CAMTA1: variants seen among roughly 807,000 people sequenced by gnomAD.
The protein encoded by CAMTA1 is calmodulin binding transcription activator 1.
A neutral mutation model predicts 170.9 loss-of-function variants in CAMTA1; 27 were observed. The observed-to-expected ratio is 0.16, with a 90% CI of 0.12 to 0.22. The LOEUF (loss-of-function observed/expected upper bound fraction) is 0.22. Ranked by LOEUF, CAMTA1 falls within the 10% of genes least tolerant of loss-of-function variation. CAMTA1 has a pLI of 1.00. For synonymous variants in CAMTA1, 833 were observed against 891.5 expected (o/e 0.93, Z 1.17); for missense variants, 1,619 against 2,217.2 (o/e 0.73, Z 5.42).
intron 4 of CAMTA1, among the ~76,000 whole-genome samples, chr1:7,206,728 T>C (rs1299844702): frequency 6.6e-6 from 1 of 152,262 alleles, no homozygotes; most frequent in Non-Finnish European, 1.5e-5. Flanking sequence ...TTCTCACTCC[T>C]TTCTGTAATG....
At position 6,934,876 on chromosome 1, in the gene CAMTA1, T is replaced by A. The variant is rs930522502; in HGVS notation, c.234+109666T>A. 4.6e-5 allele frequency among the ~76,000 whole-genome samples: 7 copies of A among 152,116 alleles called. No homozygotes were observed. Among genetic ancestry groups the A allele is most frequent in the African/African-American group, 1.7e-4 (7 of 41,398 alleles). ...CCCTGGGGAGAAGGAGCTGTTAAAC[T>A]GTCAAAATAAAAAGTCCACCAAACT... On this transcript the variant is annotated intron_variant, in intron 3 of 22. Transcript: ENST00000303635. The surrounding 1 kb of genome is among the most constrained non-coding windows in gnomAD (Gnocchi z 4.5).
chr1:7,214,855 C>CTTTTTT (rs1353496472), intron 4 of CAMTA1, among the ~76,000 whole-genome samples: 1 of 79,362 alleles, frequency 1.3e-5, no homozygotes, highest in Non-Finnish European at 2.4e-5. Flanking sequence ...CTTTTTCTTT[C>CTTTTTT]TTTCTTTTTT....
At chr1:7,450,438 C>T (rs952683604) in intron 5 of CAMTA1, among the ~76,000 whole-genome samples, 3 of 152,240 alleles carry the variant, frequency 2.0e-5, no homozygotes, top group Admixed American at 1.3e-4. Flanking sequence ...AGCAGGCGCC[C>T]TGCCACCTCC....
chr1:7,006,386 T>C (rs74051078), intron 3 of CAMTA1, among the ~76,000 whole-genome samples: 2,425 of 152,288 alleles, frequency 0.016, 68 homozygotes, highest in African/African-American at 0.054. Flanking sequence ...TACTGGATTG[T>C]GGATTAGTCC....
At chr1:6,899,552 G>GCACACACA (rs916090781) in intron 3 of CAMTA1, among the ~76,000 whole-genome samples, 162 of 104,784 alleles carry the variant, frequency 1.5e-3, no homozygotes, top group African/African-American at 3.5e-3. Flanking sequence ...GCACGCGCGC[G>GCACACACA]CGCACACACA....
In CAMTA1 at chr1:7,328,847, A is replaced by G. The variant is rs115111353; in HGVS notation, c.438+79221A>G. Reference sequence around the variant, plus strand: ...TCTCTTGTTCCCTTATCATACTTTCATTTTCCTCCTTTCTTGCTTTAAACA... The same window carrying G: ...TCTCTTGTTCCCTTATCATACTTTCGTTTTCCTCCTTTCTTGCTTTAAACA... On this transcript the variant is annotated intron_variant, in intron 5 of 22. Transcript: ENST00000303635. Among the ~76,000 whole-genome samples, 139 of 151,328 alleles carry G rather than the reference A, an allele frequency of 9.2e-4. 3 individuals are homozygous for G. The East Asian group carries it at 0.02, about 22-fold the overall frequency.
Position 7,021,571 on chromosome 1 carries a change from G to A in CAMTA1, c.235-69733G>A, listed in dbSNP as rs532799365. On this transcript the variant is annotated intron_variant, in intron 3 of 22. Transcript: ENST00000303635. ...TTTTTAAATTATAATCAAAACCACT[G>A]GACAGTGAGCACGGGCAGGAGGGAC... Among the ~76,000 whole-genome samples the A allele has an allele frequency of 1.1e-4, 17 of 152,246 alleles. No homozygotes were observed. The East Asian group carries it at 2.5e-3, about 22-fold the overall frequency.
intron 4 of CAMTA1, among the ~76,000 whole-genome samples, chr1:7,163,587 G>A (rs112515133): frequency 2.3e-4 from 35 of 152,298 alleles, no homozygotes; most frequent in African/African-American, 7.9e-4. Flanking sequence ...CAGGGAACAA[G>A]GAGGACATCA....
chr1:6,820,329 A>T, intron 2 of CAMTA1, 79 bp downstream of exon 2: 1 of 1,452,490 alleles, frequency 6.9e-7, no homozygotes, highest in African/African-American at 1.4e-5. Flanking sequence ...GTACAGTGGA[A>T]ACAGCCTTCA....
chr1:7,412,848 G>C (rs938702749), intron 5 of CAMTA1, among the ~76,000 whole-genome samples: 2 of 152,094 alleles, frequency 1.3e-5, no homozygotes, highest in African/African-American at 2.4e-5. Flanking sequence ...TGTCCTGAAT[G>C]GTATTGCCTA....
chr1:7,328,441 G>T (rs990968425), intron 5 of CAMTA1, among the ~76,000 whole-genome samples: 8 of 152,160 alleles, frequency 5.3e-5, no homozygotes, highest in African/African-American at 1.4e-4. Context: ...GTTGCAGTGA[G>T]CTGAGATCCT....
chr1:7,110,314 A>G (rs1558115484), intron 4 of CAMTA1, among the ~76,000 whole-genome samples: 7 of 151,820 alleles, frequency 4.6e-5, no homozygotes. Flanking sequence ...CTGAAGGGCT[A>G]GAATGTTCTG....
chr1:7,500,888 G>A (rs2093994813), intron 6 of CAMTA1, among the ~76,000 whole-genome samples: 1 of 152,118 alleles, frequency 6.6e-6, no homozygotes, highest in Non-Finnish European at 1.5e-5. Context: ...GGAGACATCA[G>A]GGCTTCATGC....
At chr1:6,874,963 C>A (rs2149017085) in intron 3 of CAMTA1, among the ~76,000 whole-genome samples, 1 of 152,334 alleles carries the variant, frequency 6.6e-6, no homozygotes, top group South Asian at 2.1e-4. Context: ...CACTGCCTTT[C>A]CTGAGTGTGT....
At chr1:7,287,810 C>T (rs1191942241) in intron 5 of CAMTA1, among the ~76,000 whole-genome samples, 1 of 152,110 alleles carries the variant, frequency 6.6e-6, no homozygotes, top group East Asian at 1.9e-4. Flanking sequence ...GTGGCTCCAC[C>T]ATCCTAGAGT....
intron 1 of CAMTA1, among the ~76,000 whole-genome samples, chr1:6,803,553 T>C (rs1644144026): frequency 6.6e-6 from 1 of 152,214 alleles, no homozygotes; most frequent in African/African-American, 2.4e-5. Flanking sequence ...ATTCTCTGAA[T>C]TTACAGCTGT....
chr1:7,557,689 C>G (rs1199546753), intron 6 of CAMTA1, among the ~76,000 whole-genome samples: 1 of 152,258 alleles, frequency 6.6e-6, no homozygotes, highest in African/African-American at 2.4e-5. Flanking sequence ...TGCATATTTA[C>G]TGGGCACCTA....
intron 3 of CAMTA1, among the ~76,000 whole-genome samples, chr1:6,915,821 C>T (rs1680659226): frequency 6.6e-6 from 1 of 152,220 alleles, no homozygotes; most frequent in African/African-American, 2.4e-5. Context: ...CTGACTGGGG[C>T]CTGCAGACAG....
At chr1:7,406,567 C>T (rs1326169501) in intron 5 of CAMTA1, among the ~76,000 whole-genome samples, 1 of 152,166 alleles carries the variant, frequency 6.6e-6, no homozygotes, top group Non-Finnish European at 1.5e-5. Flanking sequence ...TGTACACACA[C>T]ATGCACAGGC....
Sources: allele counts gnomAD v4.1 joint callset (sites outside exome capture counted in the v4.1 genomes callset), GRCh38; gene constraint gnomAD v4.1.1; non-coding constraint Gnocchi (gnomAD v3.1); transcripts MANE v1.5; gene names NCBI Gene and HGNC (gene_info 2026-07-23, HGNC 2026-07-21).